ARHGEF3: variants seen among roughly 807,000 people sequenced by gnomAD.
The protein encoded by ARHGEF3 is Rho guanine nucleotide exchange factor 3.
Under a neutral mutation model 63.2 loss-of-function variants are expected in ARHGEF3, and 28 were observed. The observed-to-expected ratio is 0.44, with a 90% confidence interval of 0.33 to 0.61. The LOEUF is 0.61. Ranked by LOEUF, ARHGEF3 falls within the 20% of genes least tolerant of loss-of-function variation. The probability of loss-of-function intolerance (pLI) is 0.03; values close to 1 mark genes in which losing one functional copy is unlikely to be tolerated. For synonymous variants in ARHGEF3, 266 were observed against 254.2 expected (o/e 1.05, Z -0.44); for missense variants, 533 against 659.3 (o/e 0.81, Z 2.10).
At chr3:57,028,752 G>T (rs1473755308) in intron 2 of ARHGEF3, among the ~76,000 whole-genome samples, 1 of 113,698 alleles carries the variant, frequency 8.8e-6, no homozygotes, top group Non-Finnish European at 1.9e-5. Context: ...TCTGTAAAAC[G>T]GGGTGAACAA....
chr3:56,773,589 A>G lies in ARHGEF3; in HGVS notation c.204+120T>C, dbSNP rs2036121901. On this transcript the variant is annotated intron_variant, in intron 2 of 9. Coordinates refer to ENST00000296315, the MANE Select transcript of ARHGEF3 (RefSeq NM_019555.3). ...CAAGTCCCCTCACTTGCACTCTTCTATTGAAATAAGCATTGATTCAGGTCA... is the reference window on the plus strand; with the variant it reads ...CAAGTCCCCTCACTTGCACTCTTCTGTTGAAATAAGCATTGATTCAGGTCA... The G allele has an allele frequency of 2.7e-5, 23 of 848,214 alleles. 1 individual carries two copies. The South Asian group carries it at 4.5e-4, about 16-fold the overall frequency. The allele number at this position is 848,214 out of a possible 1,614,324, so 52.5% of individuals were successfully genotyped here.
At position 57,040,474 on chromosome 3, in the gene ARHGEF3, C is replaced by CAAAAGAAAAGAAAAGAAAAG. The variant is rs145206230; in HGVS notation, c.-27-5318_-27-5299dup. The stretch of plus-strand genomic sequence containing the variant: ...CCTGGGCGACAGAATAAGACTCCGT[C>CAAAAGAAAAGAAAAGAAAAG]AAAAGAAAAGAAAAGAAAAGAAAAG... On this transcript the variant is annotated intron_variant, in intron 1 of 12. Coordinates refer to the ARHGEF3 transcript ENST00000338458. Among the ~76,000 whole-genome samples the CAAAAGAAAAGAAAAGAAAAG allele has an allele frequency of 1.6e-3, 225 of 144,634 alleles. 5 individuals carry two copies. Among genetic ancestry groups the CAAAAGAAAAGAAAAGAAAAG allele is most frequent in the South Asian group, 0.011 (50 of 4,478 alleles). 94.9% of individuals were successfully genotyped at this position (144,634 alleles called of 152,430 possible).
intron 2 of ARHGEF3, chr3:56,975,821 CT>C: frequency 2.4e-6 from 1 of 413,498 alleles, no homozygotes; most frequent in Non-Finnish European, 4.7e-6. Context: ...TATAACAGGA[CT>C]TAAAAAAAAA....
rs545432327 is a variant in ARHGEF3 at position 56,729,193 on chromosome 3, C to T, written c.*77G>A. The stretch of plus-strand genomic sequence containing the variant: ...ACAAAAGTATGAAAAAGTGCTTCTC[C>T]AAACCGTTCCATCTGTGGAATGCAA... On this transcript the variant is annotated 3_prime_UTR_variant, in exon 10 of 10. Coordinates refer to ENST00000296315, the MANE Select transcript of ARHGEF3 (RefSeq NM_019555.3). The T allele has an allele frequency of 4.9e-4, 668 of 1,351,540 alleles. No homozygotes were observed. The highest frequency in any genetic ancestry group is 1.2e-3 in the South Asian group (86 of 69,722). The allele number at this position is 1,351,540 out of a possible 1,614,324, so 83.7% of individuals were successfully genotyped here.
intron 3 of ARHGEF3, among the ~76,000 whole-genome samples, chr3:56,902,685 G>A (rs1354448708): frequency 2.0e-5 from 3 of 152,188 alleles, no homozygotes; most frequent in African/African-American, 7.2e-5. Flanking sequence ...CTGTGTGCCT[G>A]CCCAGGTTGC....
chr3:56,950,634 T>A (rs1699755936), intron 3 of ARHGEF3, among the ~76,000 whole-genome samples: 1 of 151,940 alleles, frequency 6.6e-6, no homozygotes, highest in Non-Finnish European at 1.5e-5. Context: ...AAACAACAGG[T>A]GCTGGAGAGG....
intron 4 of ARHGEF3, among the ~76,000 whole-genome samples, chr3:56,827,944 CAAAAAAAAAAAAAAAA>C (rs11462683): frequency 3.0e-4 from 10 of 33,808 alleles, no homozygotes; most frequent in Non-Finnish European, 4.1e-4. Flanking sequence ...GATTCTGTCT[CAAAAAAAAAAAAAAAA>C]AAAAAAAAAG....
At chr3:56,876,694 G>T (rs537887321) in intron 4 of ARHGEF3, among the ~76,000 whole-genome samples, 1 of 150,732 alleles carries the variant, frequency 6.6e-6, no homozygotes, top group South Asian at 2.1e-4. Context: ...AAAAAAAAAT[G>T]CAGGAAGAAT....
At chr3:57,076,037 A>G (rs1379383293) in intron 1 of ARHGEF3, among the ~76,000 whole-genome samples, 1 of 152,248 alleles carries the variant, frequency 6.6e-6, no homozygotes, top group African/African-American at 2.4e-5. Context: ...GCGAAGTGAT[A>G]TGAATTAAAG....
chr3:56,807,311 T>A (rs2037898750), intron 4 of ARHGEF3, among the ~76,000 whole-genome samples: 1 of 152,220 alleles, frequency 6.6e-6, no homozygotes, highest in Non-Finnish European at 1.5e-5. Flanking sequence ...CTCCACCCAT[T>A]CCTGAACTTC....
chr3:57,038,429 C>T (rs1704048728), intron 1 of ARHGEF3, among the ~76,000 whole-genome samples: 1 of 152,002 alleles, frequency 6.6e-6, no homozygotes, highest in Non-Finnish European at 1.5e-5. Context: ...CACTCTAAAC[C>T]TAGGGGTTTC....
At chr3:56,986,329 T>C (rs755426772) in intron 2 of ARHGEF3, among the ~76,000 whole-genome samples, 85 of 152,356 alleles carry the variant, frequency 5.6e-4, no homozygotes, top group Non-Finnish European at 1.0e-3. Flanking sequence ...TCTCTGCCTC[T>C]AGTCTCTGAG....
chr3:56,777,252 ATGTT>A (rs2036327564), intron 1 of ARHGEF3, among the ~76,000 whole-genome samples: 1 of 145,780 alleles, frequency 6.9e-6, no homozygotes, highest in African/African-American at 2.5e-5. Flanking sequence ...CTTTTATCAA[ATGTT>A]TGTTCTTCAT....
chr3:57,044,321 G>T (rs968020440), intron 1 of ARHGEF3, among the ~76,000 whole-genome samples: 1 of 152,132 alleles, frequency 6.6e-6, no homozygotes, highest in Non-Finnish European at 1.5e-5. Flanking sequence ...TGGTCCACTT[G>T]GGGGGGTTGG....
At chr3:56,878,619 G>A (rs563172311) in intron 4 of ARHGEF3, among the ~76,000 whole-genome samples, 2 of 152,260 alleles carry the variant, frequency 1.3e-5, no homozygotes, top group South Asian at 2.1e-4. Flanking sequence ...CTTAACAGGG[G>A]TCTTGGCTGG....
At chr3:56,870,927 C>G (rs1279143995) in intron 4 of ARHGEF3, among the ~76,000 whole-genome samples, 1 of 151,988 alleles carries the variant, frequency 6.6e-6, no homozygotes, top group Non-Finnish European at 1.5e-5. Flanking sequence ...TAAATAAAAT[C>G]TATTTAAAAG....
chr3:57,003,777 G>A (rs1702359709), intron 2 of ARHGEF3, among the ~76,000 whole-genome samples: 1 of 152,162 alleles, frequency 6.6e-6, no homozygotes, highest in African/African-American at 2.4e-5. Flanking sequence ...AGAGGTCAGA[G>A]TCATGCCAGG....
intron 1 of ARHGEF3, among the ~76,000 whole-genome samples, chr3:57,041,088 C>A (rs1008606858): frequency 7.2e-5 from 11 of 152,208 alleles, no homozygotes; most frequent in African/African-American, 2.7e-4. Context: ...AACACCTACT[C>A]TTATCTCCCC....
intron 1 of ARHGEF3, among the ~76,000 whole-genome samples, chr3:57,069,656 T>C (rs1705772905): frequency 6.6e-6 from 1 of 152,224 alleles, no homozygotes; most frequent in African/African-American, 2.4e-5. Flanking sequence ...AGCTTTTTTT[T>C]TTCTTTTGAG....
Sources: gnomAD v4.1 joint callset for allele counts (sites outside exome capture counted in the v4.1 genomes callset) on GRCh38, gnomAD v4.1.1 for gene constraint, MANE v1.5 for transcripts, NCBI Gene and HGNC (gene_info 2026-07-23, HGNC 2026-07-21) for gene names.